The following HOOK1 variants were observed in gnomAD, a reference collection of about 807,000 sequenced individuals.
HOOK1 encodes the protein hook microtubule tethering protein 1.
Under a neutral mutation model 112.8 loss-of-function variants are expected in HOOK1, and 60 were observed. That is an observed-to-expected ratio of 0.53 (90% CI 0.43 to 0.66). HOOK1 has a LOEUF of 0.66. Ranked by LOEUF, HOOK1 falls within the 30% of genes least tolerant of loss-of-function variation. The pLI, the probability that HOOK1 is intolerant of heterozygous loss-of-function variation, is 0.00. For missense variants in HOOK1, 770 were observed against 856.0 expected (o/e 0.90, Z 1.25); for synonymous variants, 294 against 283.8 (o/e 1.04, Z -0.36).
chr1:59,830,738 T>C (rs1320231157), intron 3 of HOOK1, among the ~76,000 whole-genome samples: 1 of 152,146 alleles, frequency 6.6e-6, no homozygotes, highest in Admixed American at 6.5e-5. Flanking sequence ...GTTTTAACAT[T>C]GTCTCAATTC....
intron 15 of HOOK1, among the ~76,000 whole-genome samples, chr1:59,862,541 A>C (rs904727056): frequency 6.6e-6 from 1 of 152,162 alleles, no homozygotes; most frequent in African/African-American, 2.4e-5. Flanking sequence ...CCGACATTTA[A>C]GTTCCTTAAA....
At chr1:59,864,585 C>T (rs1402557593) in intron 16 of HOOK1, 47 bp from the exon 17 acceptor site, 1 of 1,229,652 alleles carries the variant, frequency 8.1e-7, no homozygotes. Context: ...GAAAATTGAC[C>T]TTTGTCAAGA....
intron 11 of HOOK1, among the ~76,000 whole-genome samples, chr1:59,848,739 C>A (rs2098405514): frequency 6.6e-6 from 1 of 151,214 alleles, no homozygotes; most frequent in East Asian, 1.9e-4. Context: ...ATTATTTTTT[C>A]TTTTGAGATT....
chr1:59,839,256 G>A (rs1415336782), intron 7 of HOOK1, among the ~76,000 whole-genome samples: 1 of 152,142 alleles, frequency 6.6e-6, no homozygotes, highest in East Asian at 1.9e-4. Flanking sequence ...TAGCTTGATG[G>A]GGATAGCTTT....
intron 9 of HOOK1, among the ~76,000 whole-genome samples, chr1:59,845,739 A>AG (rs2098403414): frequency 6.6e-6 from 1 of 151,842 alleles, no homozygotes. Flanking sequence ...TTCATACTTT[A>AG]TTATCCTGTA....
At chr1:59,861,644 A>G (rs2098413668) in intron 15 of HOOK1, among the ~76,000 whole-genome samples, 1 of 152,220 alleles carries the variant, frequency 6.6e-6, no homozygotes, top group African/African-American at 2.4e-5. Context: ...GTTAAATAAC[A>G]TACCTAAAGT....
In HOOK1 at chr1:59,821,888, C is replaced by G. The variant is rs756935304; in HGVS notation, c.94C>G (p.Gln32Glu). 2.5e-6 allele frequency: 4 copies of G among 1,605,222 alleles called. No homozygotes were observed. Among genetic ancestry groups the G allele is most frequent in the African/African-American group, 2.7e-5 (2 of 74,096 alleles). ...GACATTCAATACTGCCTCACCTTGT[C>G]AAGATGTCAAACAGCTGACTAGTGG... The part of the protein sequence containing the change: ...LQTFNTASPC[Q>E]DVKQLTSGVA... The change falls in exon 2 of 22, where the codon CAA (glutamine) becomes GAA (glutamate). Residue 32 changes from glutamine (Q) to glutamate (E), a missense_variant. Physicochemically the swap from Gln to Glu is conservative, Grantham distance 29 (BLOSUM62 2). Around this residue, in one of 3 missense-constraint regions of HOOK1, gnomAD observed 655 missense variants for 725.9 expected, o/e 0.90. Transcript: ENST00000371208.
intron 9 of HOOK1, among the ~76,000 whole-genome samples, chr1:59,844,144 TC>T (rs2102036926): frequency 6.6e-6 from 1 of 152,076 alleles, no homozygotes; most frequent in Non-Finnish European, 1.5e-5. Context: ...AACTTCAAAC[TC>T]CCTAAAAAAG....
At chr1:59,830,961 T>C (rs550906878) in intron 3 of HOOK1, among the ~76,000 whole-genome samples, 8 of 151,234 alleles carry the variant, frequency 5.3e-5, no homozygotes, top group South Asian at 4.2e-4. Context: ...AGTGAAGTGG[T>C]GCAATCTCAG....
At chr1:59,863,956 G>T (rs577965534) in intron 16 of HOOK1, 5 of 281,434 alleles carry the variant, frequency 1.8e-5, no homozygotes, top group Non-Finnish European at 2.7e-5. Context: ...AGCACATTTT[G>T]GCTGGCAGTG....
At chr1:59,841,360 T>G (rs1329043951) in intron 8 of HOOK1, among the ~76,000 whole-genome samples, 1 of 152,122 alleles carries the variant, frequency 6.6e-6, no homozygotes, top group Non-Finnish European at 1.5e-5. Flanking sequence ...CTAGAGGAAG[T>G]AAATATCTAA....
Position 59,865,361 on chromosome 1 carries a change from T to A in HOOK1, c.1744+116T>A, listed in dbSNP as rs547844229. 2.7e-5 allele frequency: 15 copies of A among 557,218 alleles called. No homozygotes were observed. The South Asian group carries it at 4.7e-4, about 18-fold the overall frequency. The allele number at this position is 557,218 out of a possible 1,614,324, so 34.5% of individuals were successfully genotyped here. On this transcript the variant is annotated intron_variant, in intron 18 of 21. Transcript: ENST00000371208. ...TTGCACAATGTGTAGATACATATAT[T>A]GTAAATAAGGACTATGATAATTTTT...
Position 59,835,338 on chromosome 1 carries a change from A to C in HOOK1, c.407-7A>C. The C allele has an allele frequency of 1.3e-6, 2 of 1,533,322 alleles. No individual in the cohort carries two copies. Among genetic ancestry groups the C allele is most frequent in the Non-Finnish European group, 1.8e-6 (2 of 1,110,214 alleles). The allele number at this position is 1,533,322 out of a possible 1,614,324, so 95.0% of individuals were successfully genotyped here. On this transcript the variant is annotated splice_region_variant and splice_polypyrimidine_tract_variant and intron_variant, in intron 5 of 21. Transcript: ENST00000371208. Reference sequence around the variant, plus strand: ...TTTTTTTCAGATTTGATTTTTTTAAATCATAGAACATATTCAAAATATAAT... The same window carrying C: ...TTTTTTTCAGATTTGATTTTTTTAACTCATAGAACATATTCAAAATATAAT...
At chr1:59,827,055 C>A (rs922479437) in intron 2 of HOOK1, among the ~76,000 whole-genome samples, 1 of 152,076 alleles carries the variant, frequency 6.6e-6, no homozygotes, top group Non-Finnish European at 1.5e-5. Context: ...ATGAGCCATG[C>A]GCCTGGCCCA....
At chr1:59,849,984 G>A (rs532725206) in intron 12 of HOOK1, among the ~76,000 whole-genome samples, 2 of 151,570 alleles carry the variant, frequency 1.3e-5, no homozygotes, top group South Asian at 4.2e-4. Flanking sequence ...TGCAGAAATG[G>A]TATTGATGGG....
At position 59,862,799 on chromosome 1, in the gene HOOK1, T is replaced by C; in HGVS notation, c.1548T>C (p.Arg516=). ...LETEQRLSKE[R]IRELQQQIED... is the part of the protein sequence containing the mutation. ...CTTACAATAGGCTGAGCAAAGAGCG[T>C]ATTAGAGAATTGCAGCAGCAGATTG... The change falls in exon 16 of 22, where the codon CGT becomes CGC. Residue 516 remains arginine (R), a synonymous_variant. Transcript: ENST00000371208. The C allele has an allele frequency of 6.2e-7, 1 of 1,610,174 alleles. No individual in the cohort carries two copies. The highest frequency in any genetic ancestry group is 8.5e-7 in the Non-Finnish European group (1 of 1,176,598).
chr1:59,823,725 T>C (rs1427031528), intron 2 of HOOK1, among the ~76,000 whole-genome samples: 1 of 152,214 alleles, frequency 6.6e-6, no homozygotes, highest in African/African-American at 2.4e-5. Flanking sequence ...ATGTTTGGAG[T>C]AGAGTCAGTA....
intron 9 of HOOK1, among the ~76,000 whole-genome samples, chr1:59,846,548 T>G (rs1185547526): frequency 5.2e-5 from 2 of 38,096 alleles, no homozygotes; most frequent in Non-Finnish European, 1.1e-4. Flanking sequence ...CCTTCCTTCC[T>G]TCCTTCCTTC....
chr1:59,815,782 C>T (rs372710904), intron 1 of HOOK1, among the ~76,000 whole-genome samples: 2 of 151,656 alleles, frequency 1.3e-5, no homozygotes, highest in East Asian at 3.9e-4. Flanking sequence ...TGTTGGGAGT[C>T]GGGGGTCGTT....
Sources: allele counts gnomAD v4.1 joint callset (sites outside exome capture counted in the v4.1 genomes callset), GRCh38; gene constraint gnomAD v4.1.1; regional missense constraint gnomAD v4.1.1; transcripts MANE v1.5; gene names NCBI Gene and HGNC (gene_info 2026-07-23, HGNC 2026-07-21).